The following FRMD5 variants were observed in gnomAD, a reference collection of about 807,000 sequenced individuals.
FRMD5 encodes the protein FERM domain-containing protein 5.
In FRMD5, 20 loss-of-function variants were observed where a neutral mutation model predicts 69.0. The ratio of observed to expected loss-of-function variants is 0.29; its 90% CI spans 0.20 to 0.42. The LOEUF (loss-of-function observed/expected upper bound fraction) is 0.42, where lower values mean the gene tolerates loss of function less well. FRMD5 is among the 10% of genes least tolerant of loss of function. The pLI is 1.00. For missense variants in FRMD5, 595 were observed against 708.6 expected, an observed-to-expected ratio of 0.84 and a Z score of 1.82; for synonymous variants, 271 against 260.1, an observed-to-expected ratio of 1.04 and a Z score of -0.40.
At chr15:44,074,060 T>A (rs11857696) in intron 1 of FRMD5, among the ~76,000 whole-genome samples, 124,699 of 152,084 alleles carry the variant, frequency 0.82, 54,141 homozygotes, top group Non-Finnish European at 0.95. Flanking sequence ...TATATATCCA[T>A]CCTAAATAGA....
intron 1 of FRMD5, among the ~76,000 whole-genome samples, chr15:43,980,175 A>G (rs1011284316): frequency 9.2e-5 from 14 of 152,220 alleles, no homozygotes; most frequent in African/African-American, 3.1e-4. Context: ...GGCCCTATAA[A>G]GTATGCTTCC....
chr15:44,159,484 T>C lies in FRMD5; in HGVS notation c.102+35469A>G, dbSNP rs573310088. ...TTAAGGTCTAAATTCTGAGAGGCAG[T>C]GAGACAAAAGGAATGAATTGACTTC... On this transcript the variant is annotated intron_variant, in intron 1 of 13. Transcript: ENST00000417257. Among the ~76,000 whole-genome samples, 28 of 152,226 alleles carry C rather than the reference T, an allele frequency of 1.8e-4. No homozygotes were observed. The South Asian group carries it at 5.8e-3, about 32-fold the overall frequency.
chr15:44,071,519 A>G (rs1023679805), intron 1 of FRMD5, among the ~76,000 whole-genome samples: 1 of 152,184 alleles, frequency 6.6e-6, no homozygotes, highest in Non-Finnish European at 1.5e-5. Flanking sequence ...TCCCTACTTA[A>G]TACAATTTAG....
chr15:44,140,082 TATAC>T (rs1191420276), intron 1 of FRMD5, among the ~76,000 whole-genome samples: 1 of 152,068 alleles, frequency 6.6e-6, no homozygotes, highest in Non-Finnish European at 1.5e-5. Flanking sequence ...TATATGTGTG[TATAC>T]ATATATACAC....
chr15:43,989,558 A>C, intron 1 of FRMD5: 1 of 870,868 alleles, frequency 1.1e-6, no homozygotes. Flanking sequence ...GATGTCATGC[A>C]CAATTTCCCG....
At chr15:44,093,659 A>G (rs1595713407) in intron 1 of FRMD5, among the ~76,000 whole-genome samples, 1 of 149,744 alleles carries the variant, frequency 6.7e-6, no homozygotes, top group East Asian at 2.0e-4. Context: ...TGCAAGCTCC[A>G]TCTCCCGGGT....
At chr15:44,095,357 G>A (rs556556490) in intron 1 of FRMD5, among the ~76,000 whole-genome samples, 15 of 151,934 alleles carry the variant, frequency 9.9e-5, no homozygotes, top group African/African-American at 2.7e-4. Flanking sequence ...CATGCACCAC[G>A]ACACTTGGCT....
intron 1 of FRMD5, among the ~76,000 whole-genome samples, chr15:43,930,538 C>G (rs555408811): frequency 6.6e-6 from 1 of 152,300 alleles, no homozygotes; most frequent in Non-Finnish European, 1.5e-5. Flanking sequence ...GGTGAGGCCC[C>G]AAAGTGGAGG....
At chr15:44,083,485 G>T (rs978201526) in intron 1 of FRMD5, among the ~76,000 whole-genome samples, 2 of 152,010 alleles carry the variant, frequency 1.3e-5, no homozygotes, top group African/African-American at 2.4e-5. Flanking sequence ...TCTAACCTCT[G>T]TGATCCTGCT....
rs143477772 is a variant in FRMD5, at chr15:44,003,447, C to T, written c.103-79138G>A. Among the ~76,000 whole-genome samples the T allele has an allele frequency of 3.5e-4, 53 of 152,290 alleles. 1 individual carries two copies. The highest frequency in any genetic ancestry group is 1.2e-3 in the African/African-American group (50 of 41,566). On this transcript the variant is annotated intron_variant, in intron 1 of 13. Coordinates refer to ENST00000417257, the MANE Select transcript of FRMD5 (RefSeq NM_032892.5). ...TCAGATGTAGGTTGTTAAAACCCTG[C>T]GATGGTTCCCTATTTCACTCAAGAG...
chr15:44,189,578 TC>T (rs2078160183), intron 1 of FRMD5, among the ~76,000 whole-genome samples: 1 of 149,110 alleles, frequency 6.7e-6, no homozygotes, highest in Non-Finnish European at 1.5e-5. Context: ...AAGCTCCACC[TC>T]CCGGGTTCAA....
At chr15:44,072,745 C>T (rs1193238430) in intron 1 of FRMD5, among the ~76,000 whole-genome samples, 1 of 152,034 alleles carries the variant, frequency 6.6e-6, no homozygotes. Flanking sequence ...AAATATTGTC[C>T]CTTTCAAAGA....
chr15:44,039,737 T>C (rs938655649), intron 1 of FRMD5, among the ~76,000 whole-genome samples: 3 of 152,088 alleles, frequency 2.0e-5, no homozygotes, highest in African/African-American at 7.2e-5. Context: ...GCAAAAAGGC[T>C]GAAAATTCCA....
chr15:43,919,015 T>C, intron 4 of FRMD5: 1 of 289,894 alleles, frequency 3.4e-6, no homozygotes, highest in South Asian at 3.2e-5. Flanking sequence ...CCATTTTGAT[T>C]TTAAATCTTC....
chr15:44,167,947 C>T (rs1422282788), intron 1 of FRMD5, among the ~76,000 whole-genome samples: 1 of 152,242 alleles, frequency 6.6e-6, no homozygotes, highest in Admixed American at 6.5e-5. Flanking sequence ...CCATATTCAA[C>T]AAAGCAGAAC....
intron 1 of FRMD5, among the ~76,000 whole-genome samples, chr15:43,987,740 G>C (rs1477322877): frequency 6.6e-6 from 1 of 152,018 alleles, no homozygotes; most frequent in Non-Finnish European, 1.5e-5. Context: ...AGTAGAGATG[G>C]GGTTTCACCA....
At position 44,034,590 on chromosome 15, in the gene FRMD5, G is replaced by A. The variant is rs530680763; in HGVS notation, c.103-110281C>T. On this transcript the variant is annotated intron_variant, in intron 1 of 13. Transcript: ENST00000417257. ...TTTCATACTCCTTTGGGAGTTAATG[G>A]GGTTATGTGCCCATCTATCTTAGGA... Among the ~76,000 whole-genome samples the A allele has an allele frequency of 1.6e-4, 25 of 152,296 alleles. 1 individual carries two copies. The South Asian group carries it at 4.8e-3, about 29-fold the overall frequency.
At chr15:44,019,386 G>A (rs1341492063) in intron 1 of FRMD5, among the ~76,000 whole-genome samples, 1 of 151,458 alleles carries the variant, frequency 6.6e-6, no homozygotes, top group Non-Finnish European at 1.5e-5. Flanking sequence ...TATCAAAGAA[G>A]GGTTTTTAAT....
chr15:44,024,041 C>T (rs1225735329), intron 1 of FRMD5, among the ~76,000 whole-genome samples: 1 of 152,000 alleles, frequency 6.6e-6, no homozygotes, highest in African/African-American at 2.4e-5. Flanking sequence ...ACTGCTATTA[C>T]CATTGTGAAC....
Sources: allele counts gnomAD v4.1 joint callset (sites outside exome capture counted in the v4.1 genomes callset), GRCh38; gene constraint gnomAD v4.1.1; transcripts MANE v1.5; gene names NCBI Gene and HGNC (gene_info 2026-07-23, HGNC 2026-07-21).